Variants in ANXA2 observed in about 807,000 individuals in gnomAD.
ANXA2 encodes annexin II.
In ANXA2, 28 loss-of-function variants were observed where a neutral mutation model predicts 47.3. That is an observed-to-expected ratio of 0.59 (90% CI 0.44 to 0.81). The LOEUF (loss-of-function observed/expected upper bound fraction) is 0.81, where lower values mean the gene tolerates loss of function less well. Ranked by LOEUF, ANXA2 falls within the 40% of genes least tolerant of loss-of-function variation. The pLI, the probability that ANXA2 is intolerant of heterozygous loss-of-function variation, is 0.00. For synonymous variants in ANXA2, 172 were observed against 155.5 expected, an observed-to-expected ratio of 1.11 and a Z score of -0.79; for missense variants, 384 against 414.3, an observed-to-expected ratio of 0.93 and a Z score of 0.64.
chr15:60,383,663 G>C (rs1428000877), intron 2 of ANXA2: 2 of 152,280 alleles, frequency 1.3e-5, no homozygotes, highest in East Asian at 3.9e-4. Context: ...ATGGCTGGTG[G>C]AGGCAGCATC....
At chr15:60,371,456 G>T (rs2062709039) in intron 3 of ANXA2, among the ~76,000 whole-genome samples, 1 of 152,206 alleles carries the variant, frequency 6.6e-6, no homozygotes, top group South Asian at 2.1e-4. Flanking sequence ...CCTCTCTGCG[G>T]GTGGAAACCC....
intron 9 of ANXA2, 85 bp from the exon 10 acceptor site, chr15:60,351,904 AT>A (rs1485153926): frequency 1.0e-6 from 1 of 953,490 alleles, no homozygotes; most frequent in Non-Finnish European, 1.7e-6. Flanking sequence ...ATGCACCATA[AT>A]TTTTTTAAAA....
intron 11 of ANXA2, 75 bp downstream of exon 11, chr15:60,351,118 A>G (rs1895989454): frequency 6.7e-7 from 1 of 1,495,416 alleles, no homozygotes. Flanking sequence ...CCATGAATCA[A>G]GGAGACTCAA....
In ANXA2 at chr15:60,347,463, C is replaced by T. The variant is rs184828726; in HGVS notation, c.*167G>A. On this transcript the variant is annotated 3_prime_UTR_variant, in exon 13 of 13. Transcript: ENST00000451270. ...TCTTTGGCTTACAGGAGAGACTAGA[C>T]AGGAAGGCCAGGCAATGCTTAGGCA... The T allele has an allele frequency of 1.6e-5, 10 of 637,114 alleles. No homozygotes were observed. Among genetic ancestry groups the T allele is most frequent in the Non-Finnish European group, 2.5e-5 (9 of 361,068 alleles). The allele number at this position is 637,114 out of a possible 1,614,324, so 39.5% of individuals were successfully genotyped here. A position where few individuals can be genotyped will look rare whatever the true frequency, so the allele number is the denominator to read the frequency against.
At chr15:60,374,777 A>G (rs1375165955) in intron 3 of ANXA2, 3 of 445,882 alleles carry the variant, frequency 6.7e-6, no homozygotes, top group African/African-American at 4.1e-5. Context: ...CTTTGTTCCC[A>G]GCACTGCTGT....
At chr15:60,366,804 G>GC (rs2062618777) in intron 3 of ANXA2, among the ~76,000 whole-genome samples, 1 of 40,012 alleles carries the variant, frequency 2.5e-5, no homozygotes, top group Non-Finnish European at 5.7e-5. Flanking sequence ...GAGGGAGGCG[G>GC]GGGGGGGGGG....
intron 1 of ANXA2, chr15:60,393,309 G>A: frequency 1.0e-6 from 1 of 1,000,262 alleles, no homozygotes; most frequent in Non-Finnish European, 1.2e-6. Context: ...TGGGTGGAAA[G>A]AGACCGGCAG....
chr15:60,389,961 C>T (rs774541512), intron 1 of ANXA2, among the ~76,000 whole-genome samples: 9 of 152,206 alleles, frequency 5.9e-5, no homozygotes, highest in Non-Finnish European at 1.3e-4. Context: ...AAGTGCCCTA[C>T]ACGTGCCAAG....
At chr15:60,380,092 T>C (rs906899730) in intron 3 of ANXA2, among the ~76,000 whole-genome samples, 6 of 152,114 alleles carry the variant, frequency 3.9e-5, no homozygotes, top group Non-Finnish European at 7.3e-5. Context: ...AATAGTGAAA[T>C]AGGATGGGTT....
chr15:60,351,882 C>T, intron 9 of ANXA2, 63 bp from the exon 10 acceptor site: 2 of 1,131,942 alleles, frequency 1.8e-6, no homozygotes, highest in South Asian at 1.3e-5. Context: ...CAACGATCAC[C>T]CACCTAGTTT....
chr15:60,397,535 C>T (rs751214564), intron 1 of ANXA2, among the ~76,000 whole-genome samples: 1 of 152,166 alleles, frequency 6.6e-6, no homozygotes, highest in East Asian at 1.9e-4. Flanking sequence ...AGTGGAAAGC[C>T]CACTTGCTAC....
At chr15:60,393,185 G>A in intron 1 of ANXA2, 15 of 1,218,136 alleles carry the variant, frequency 1.2e-5, no homozygotes, top group Non-Finnish European at 1.6e-5. Flanking sequence ...ACTTGCTCCA[G>A]CTTGTCTCTT....
chr15:60,388,413 A>T (rs890703149), intron 1 of ANXA2, among the ~76,000 whole-genome samples: 1 of 152,114 alleles, frequency 6.6e-6, no homozygotes, highest in African/African-American at 2.4e-5. Context: ...GGGTCTTGCT[A>T]TGTTGCCCAG....
At chr15:60,367,238 C>T (rs1221692403) in intron 3 of ANXA2, among the ~76,000 whole-genome samples, 26 of 106,432 alleles carry the variant, frequency 2.4e-4, no homozygotes, top group Non-Finnish European at 2.9e-4. Context: ...GCCCCCCGCC[C>T]GGCCAGCCGC....
intron 3 of ANXA2, among the ~76,000 whole-genome samples, chr15:60,370,087 G>A (rs530343846): frequency 1.3e-5 from 2 of 152,246 alleles, no homozygotes; most frequent in Admixed American, 1.3e-4. Context: ...TACCTAGGAG[G>A]CAGCAACAAC....
chr15:60,351,276 G>C (rs1434988497), intron 10 of ANXA2, 25 bp from the exon 11 acceptor site: 1 of 1,612,714 alleles, frequency 6.2e-7, no homozygotes, highest in East Asian at 2.2e-5. Context: ...AAGGGAGTCA[G>C]CGCTGCAGCT....
chr15:60,382,443 T>G lies in ANXA2; in HGVS notation c.49-2A>C. On this transcript the variant is annotated splice_acceptor_variant, in intron 2 of 12. Coordinates refer to ENST00000451270, the MANE Select transcript of ANXA2 (RefSeq NM_004039.3). LOFTEE classifies it high-confidence loss of function. ...ATATGCACTTGGGGGTGTAGAGTGCTGAGGTTAAAAGATAAACATACTCAA... is the reference window on the plus strand; with the variant it reads ...ATATGCACTTGGGGGTGTAGAGTGCGGAGGTTAAAAGATAAACATACTCAA... The G allele has an allele frequency of 6.2e-7, 1 of 1,605,638 alleles. No homozygotes were observed. Among genetic ancestry groups the G allele is most frequent in the East Asian group, 2.2e-5 (1 of 44,810 alleles).
chr15:60,383,057 C>T (rs778628341), intron 2 of ANXA2: 1 of 152,494 alleles, frequency 6.6e-6, no homozygotes, highest in Non-Finnish European at 1.5e-5. Flanking sequence ...GTGCCTACCA[C>T]CCTCCACTCT....
chr15:60,376,548 G>C lies in ANXA2; in HGVS notation c.148+5794C>G, dbSNP rs558599624. Among the ~76,000 whole-genome samples, 3 of 152,320 alleles carry C rather than the reference G, an allele frequency of 2.0e-5. No individual in the cohort carries two copies. The South Asian group carries it at 6.2e-4, about 32-fold the overall frequency. On this transcript the variant is annotated intron_variant, in intron 3 of 12. Coordinates refer to ENST00000451270, the MANE Select transcript of ANXA2 (RefSeq NM_004039.3). ...GCACACCTGGAGGTATATTCATTCA[G>C]TTGAGCACAGCAATTAGGAATATAT...
Sources: allele counts gnomAD v4.1 joint callset (sites outside exome capture counted in the v4.1 genomes callset), GRCh38; gene constraint gnomAD v4.1.1; transcripts MANE v1.5; gene names NCBI Gene and HGNC (gene_info 2026-07-23, HGNC 2026-07-21).